Variants in SAV1 observed in about 807,000 individuals in gnomAD.
The protein encoded by SAV1 is protein salvador homolog 1.
SAV1 carries 23 observed loss-of-function variants against 47.3 expected under a neutral mutation model. That is an observed-to-expected ratio of 0.49 (90% CI 0.35 to 0.69). SAV1 has a LOEUF of 0.69. Ranked by LOEUF, SAV1 falls within the 30% of genes least tolerant of loss-of-function variation. The probability of loss-of-function intolerance (pLI) is 0.01; values close to 1 mark genes in which losing one functional copy is unlikely to be tolerated. For missense variants in SAV1, 448 were observed against 457.4 expected (o/e 0.98, Z 0.19); for synonymous variants, 155 against 159.2 (o/e 0.97, Z 0.20).
chr14:50,656,119 C>T (rs188454790), intron 2 of SAV1, among the ~76,000 whole-genome samples: 4 of 152,290 alleles, frequency 2.6e-5, no homozygotes, highest in Admixed American at 2.0e-4. Context: ...TTAAGAAAAC[C>T]CATACTTCCA....
rs141442635 is a variant in SAV1 at position 50,634,335 on chromosome 14, TTTG to T, written c.*845_*847del. On this transcript the variant is annotated 3_prime_UTR_variant, in exon 5 of 5. Coordinates refer to ENST00000324679, the MANE Select transcript of SAV1 (RefSeq NM_021818.4). ...AACATGCTTTAAAAGGATTCCTTATTTTGTTTTTATTTTTTTATTTTTTATTTT... is the reference window on the plus strand; with the variant it reads ...AACATGCTTTAAAAGGATTCCTTATTTTTTTATTTTTTTATTTTTTATTTT... 5.2e-4 allele frequency: 143 copies of T among 272,526 alleles called. No homozygotes were observed. Among genetic ancestry groups the T allele is most frequent in the African/African-American group, 2.9e-3 (131 of 44,754 alleles). The allele number at this position is 272,526 out of a possible 1,614,324, so 16.9% of individuals were successfully genotyped here.
intron 2 of SAV1, among the ~76,000 whole-genome samples, chr14:50,650,785 G>A (rs2039761621): frequency 6.6e-6 from 1 of 152,176 alleles, no homozygotes; most frequent in South Asian, 2.1e-4. Flanking sequence ...ACTTTGGGAG[G>A]CCAAGGTGGA....
chr14:50,637,358 T>C (rs1049094845), intron 4 of SAV1, among the ~76,000 whole-genome samples: 5 of 152,202 alleles, frequency 3.3e-5, no homozygotes, highest in Non-Finnish European at 7.4e-5. Context: ...TCCACCATTC[T>C]TGTAACTTAA....
At chr14:50,661,374 AAC>A (rs1352661497) in intron 2 of SAV1, among the ~76,000 whole-genome samples, 1 of 152,148 alleles carries the variant, frequency 6.6e-6, no homozygotes. Context: ...ATCTTTTGCA[AAC>A]ACTTTCTCCT....
At chr14:50,654,686 A>G (rs944554292) in intron 2 of SAV1, among the ~76,000 whole-genome samples, 5 of 152,356 alleles carry the variant, frequency 3.3e-5, no homozygotes, top group African/African-American at 9.6e-5. Context: ...ACAATAGAGC[A>G]AAGCACAATA....
chr14:50,647,673 C>T (rs1302898257), intron 2 of SAV1, among the ~76,000 whole-genome samples: 1 of 151,890 alleles, frequency 6.6e-6, no homozygotes, highest in Non-Finnish European at 1.5e-5. Context: ...TGGTAAATAG[C>T]ACGTGAAAAA....
chr14:50,662,815 T>C (rs1308706057), intron 2 of SAV1: 2 of 152,220 alleles, frequency 1.3e-5, no homozygotes, highest in African/African-American at 4.8e-5. Context: ...ATATTAACAG[T>C]AAACATAGCT....
chr14:50,666,040 C>T (rs2039899209), intron 1 of SAV1, among the ~76,000 whole-genome samples: 1 of 152,012 alleles, frequency 6.6e-6, no homozygotes. Flanking sequence ...TTAGAAACTG[C>T]CAAAAATCCT....
rs906887336 is a variant in SAV1 at position 50,665,162 on chromosome 14, T to G, written c.535+17A>C. On this transcript the variant is annotated intron_variant, in intron 2 of 4. Coordinates refer to ENST00000324679, the MANE Select transcript of SAV1 (RefSeq NM_021818.4). ...CAATAAATATAAACTACTATATTAT[T>G]TATAATGTTAAGCTACCTGAAGCAT... 4.0e-6 allele frequency: 6 copies of G among 1,518,406 alleles called. No individual in the cohort carries two copies. The African/African-American group carries it at 8.5e-5, about 21-fold the overall frequency. The allele number at this position is 1,518,406 out of a possible 1,614,324, so 94.1% of individuals were successfully genotyped here.
At chr14:50,660,171 C>G (rs982105110) in intron 2 of SAV1, among the ~76,000 whole-genome samples, 7 of 152,308 alleles carry the variant, frequency 4.6e-5, no homozygotes, top group Admixed American at 2.0e-4. Flanking sequence ...AAGGAACTGA[C>G]TTGGTCTTGT....
At chr14:50,643,902 A>G (rs1207632122) in intron 3 of SAV1, among the ~76,000 whole-genome samples, 2 of 152,258 alleles carry the variant, frequency 1.3e-5, no homozygotes, top group African/African-American at 4.8e-5. Context: ...ACAAATGTCC[A>G]CTATAACCAA....
At chr14:50,639,377 T>C (rs1333873504) in intron 4 of SAV1, among the ~76,000 whole-genome samples, 1 of 152,046 alleles carries the variant, frequency 6.6e-6, no homozygotes, top group African/African-American at 2.4e-5. Flanking sequence ...ATTCTCATTA[T>C]CTAATTCATA....
chr14:50,637,644 A>G (rs2039644878), intron 4 of SAV1: 1 of 151,134 alleles, frequency 6.6e-6, no homozygotes, highest in East Asian at 1.9e-4. Flanking sequence ...GGAAGAAAAA[A>G]TCTTCAAACA....
rs186831296 is a variant in SAV1, at chr14:50,653,966, T to C, written c.536-8952A>G. Among the ~76,000 whole-genome samples, 128 of 152,266 alleles carry C rather than the reference T, an allele frequency of 8.4e-4. 1 individual carries two copies. The highest frequency in any genetic ancestry group is 2.9e-3 in the African/African-American group (120 of 41,556). On this transcript the variant is annotated intron_variant, in intron 2 of 4. Coordinates refer to ENST00000324679, the MANE Select transcript of SAV1 (RefSeq NM_021818.4). The stretch of plus-strand genomic sequence containing the variant: ...AAAGTACAGGTCTTAATAAAAAAAA[T>C]TGTATTGCTACAAAAATGCTAATGA...
intron 3 of SAV1, among the ~76,000 whole-genome samples, chr14:50,644,471 T>C (rs1308582167): frequency 2.6e-5 from 4 of 152,196 alleles, no homozygotes; most frequent in Non-Finnish European, 5.9e-5. Flanking sequence ...TCTGGACACC[T>C]ATAACAAAAA....
At position 50,665,250 on chromosome 14, in the gene SAV1, T is replaced by A. The variant is rs755641719; in HGVS notation, c.464A>T (p.Asp155Val). 1.2e-6 allele frequency: 2 copies of A among 1,613,728 alleles called. No homozygotes were observed. The highest frequency in any genetic ancestry group is 2.2e-5 in the South Asian group (2 of 91,054). The stretch of plus-strand genomic sequence containing the variant: ...ATGGTTGTATTCATAATATCTGTAG[T>A]CTTCATGTGCACGATCTCCAAGTGG... ...KRPLGDRAHEDYRYYEYNHDL... is the reference protein window; with the variant it reads ...KRPLGDRAHEVYRYYEYNHDL... The change falls in exon 2 of 5, where the codon GAC (aspartate) becomes GTC (valine). Residue 155 changes from aspartate to valine, a missense_variant. Coordinates refer to ENST00000324679, the MANE Select transcript of SAV1 (RefSeq NM_021818.4).
Position 50,668,033 on chromosome 14 carries a change from G to C in SAV1, c.-66C>G. The C allele has an allele frequency of 8.0e-7, 1 of 1,253,372 alleles. No individual in the cohort carries two copies. Among genetic ancestry groups the C allele is most frequent in the Non-Finnish European group, 1.1e-6 (1 of 947,800 alleles). 77.6% of individuals were successfully genotyped at this position (1,253,372 alleles called of 1,614,324 possible). On this transcript the variant is annotated 5_prime_UTR_variant, in exon 1 of 5. Coordinates refer to ENST00000324679, the MANE Select transcript of SAV1 (RefSeq NM_021818.4). ...TAGGGCTCCGCGCCGGGCGCCGGCC[G>C]TCTCCGCCGCCACCTCCGCCGGCGC...
intron 2 of SAV1, among the ~76,000 whole-genome samples, chr14:50,648,251 AG>A (rs1312050626): frequency 1.3e-5 from 2 of 152,202 alleles, no homozygotes; most frequent in Non-Finnish European, 2.9e-5. Context: ...CAAAACTACT[AG>A]GACAGAAAAC....
At chr14:50,660,714 TTA>T (rs1258626223) in intron 2 of SAV1, among the ~76,000 whole-genome samples, 79 of 152,292 alleles carry the variant, frequency 5.2e-4, no homozygotes, top group African/African-American at 1.8e-3. Flanking sequence ...CCATCTAACT[TTA>T]TGTTTGGACC....
Sources: gnomAD v4.1 joint callset for allele counts (sites outside exome capture counted in the v4.1 genomes callset) on GRCh38, gnomAD v4.1.1 for gene constraint, MANE v1.5 for transcripts, NCBI Gene and HGNC (gene_info 2026-07-23, HGNC 2026-07-21) for gene names.